Variants in PRDM11 observed in about 807,000 individuals in gnomAD.
PRDM11 encodes PR domain-containing protein 11.
A neutral mutation model predicts 97.8 loss-of-function variants in PRDM11; 20 were observed. That is an observed-to-expected ratio of 0.20 (90% CI 0.14 to 0.30). PRDM11 has a LOEUF of 0.30. Among genes scored for constraint, PRDM11 ranks in the 10% least tolerant of loss-of-function variants. The pLI is 1.00. For missense variants in PRDM11, 1,139 were observed against 1,555.2 expected, an observed-to-expected ratio of 0.73 and a Z score of 4.50; for synonymous variants, 599 against 637.7, an observed-to-expected ratio of 0.94 and a Z score of 0.91.
chr11:45,121,612 C>T (rs1852432376), intron 1 of PRDM11, among the ~76,000 whole-genome samples: 1 of 152,044 alleles, frequency 6.6e-6, no homozygotes, highest in African/African-American at 2.4e-5. Context: ...AATGTATATA[C>T]AACATTATAT....
At chr11:45,116,131 A>G (rs1272748421) in intron 1 of PRDM11, among the ~76,000 whole-genome samples, 1 of 152,190 alleles carries the variant, frequency 6.6e-6, no homozygotes, top group Non-Finnish European at 1.5e-5. Flanking sequence ...CACCTTCAAT[A>G]TACATAAAAA....
At chr11:45,147,739 A>G (rs1342337199) in intron 1 of PRDM11, among the ~76,000 whole-genome samples, 3 of 152,170 alleles carry the variant, frequency 2.0e-5, no homozygotes, top group Non-Finnish European at 2.9e-5. Flanking sequence ...CAGTTGGGAG[A>G]TGGGGGCTTA....
At chr11:45,213,372 A>G (rs1433298717) in intron 5 of PRDM11, 1 of 449,274 alleles carries the variant, frequency 2.2e-6, no homozygotes, top group Non-Finnish European at 4.5e-6. Context: ...GAGCATCCGA[A>G]TGGAGTCCCA....
At chr11:45,137,801 C>G (rs950587905) in intron 1 of PRDM11, among the ~76,000 whole-genome samples, 1 of 152,180 alleles carries the variant, frequency 6.6e-6, no homozygotes, top group East Asian at 1.9e-4. Context: ...GCTGTTTGAG[C>G]CCTCCAGTTC....
chr11:45,234,451 T>C lies in PRDM11; in HGVS notation c.*6292T>C, dbSNP rs890338184. 1 of 152,590 alleles carries C rather than the reference T, an allele frequency of 6.6e-6. No individual in the cohort carries two copies. The highest frequency in any genetic ancestry group is 1.9e-4 in the East Asian group (1 of 5,188). 9.5% of individuals were successfully genotyped at this position (152,590 alleles called of 1,614,324 possible). A position where few individuals can be genotyped will look rare whatever the true frequency, so the allele number is the denominator to read the frequency against. ...GCCCAGGGCGGGTCTGTTCTGCCAA[T>C]GCCCACCTCCTTGAGCCACAGTTAG... is the stretch of plus-strand genomic sequence containing the variant. On this transcript the variant is annotated 3_prime_UTR_variant, in exon 8 of 8. Coordinates refer to ENST00000683152, the MANE Select transcript of PRDM11 (RefSeq NM_001384648.1).
chr11:45,181,315 G>A (rs1343656298), intron 1 of PRDM11, among the ~76,000 whole-genome samples: 2 of 152,172 alleles, frequency 1.3e-5, no homozygotes, highest in Admixed American at 1.3e-4. Flanking sequence ...CCCAGGGTGA[G>A]GGGCTGCCCT....
At chr11:45,187,134 AG>A (rs1852732338) in intron 4 of PRDM11, among the ~76,000 whole-genome samples, 1 of 152,110 alleles carries the variant, frequency 6.6e-6, no homozygotes, top group South Asian at 2.1e-4. Flanking sequence ...GGTGGATAGG[AG>A]GGGAGGAAGC....
At chr11:45,169,895 GTGCCTATCTTGCACCAGGCAC>G (rs1439838550) in intron 1 of PRDM11, among the ~76,000 whole-genome samples, 1 of 152,190 alleles carries the variant, frequency 6.6e-6, no homozygotes, top group Non-Finnish European at 1.5e-5. Flanking sequence ...TGTTTATCAT[GTGCCTATCTTGCACCAGGCAC>G]TGCTCTAGTT....
Position 45,182,849 on chromosome 11 carries a change from C to T in PRDM11, c.224-12C>T, listed in dbSNP as rs746715316. On this transcript the variant is annotated splice_polypyrimidine_tract_variant and intron_variant, in intron 3 of 7. Transcript: ENST00000683152. ...ACAACTGAGGCCCTCCCTTCTCTTTCCATCCCTCCAGTCTGTGAGTCCTGC... is the reference window on the plus strand; with the variant it reads ...ACAACTGAGGCCCTCCCTTCTCTTTTCATCCCTCCAGTCTGTGAGTCCTGC... The T allele has an allele frequency of 6.4e-7, 1 of 1,561,540 alleles. No homozygotes were observed. Among genetic ancestry groups the T allele is most frequent in the South Asian group, 1.2e-5 (1 of 82,550 alleles).
At chr11:45,225,752 C>A (rs1487062485) in intron 7 of PRDM11, among the ~76,000 whole-genome samples, 1 of 152,184 alleles carries the variant, frequency 6.6e-6, no homozygotes, top group African/African-American at 2.4e-5. Flanking sequence ...CAAGGGCAGG[C>A]AGCCTGAAAT....
At position 45,231,896 on chromosome 11, in the gene PRDM11, G is replaced by A. The variant is rs1854405186; in HGVS notation, c.*3737G>A. 2 of 151,932 alleles carry A rather than the reference G, an allele frequency of 1.3e-5. No individual in the cohort carries two copies. The highest frequency in any genetic ancestry group is 2.9e-5 in the Non-Finnish European group (2 of 68,000). 9.4% of individuals were successfully genotyped at this position (151,932 alleles called of 1,614,324 possible). ...TGGCCTATGACACCTTGTGATGCTAGGCACATCCTCATTTCCCCATCCTCA... is the reference window on the plus strand; with the variant it reads ...TGGCCTATGACACCTTGTGATGCTAAGCACATCCTCATTTCCCCATCCTCA... On this transcript the variant is annotated 3_prime_UTR_variant, in exon 8 of 8. Transcript: ENST00000683152.
chr11:45,126,259 C>G (rs1413467068), intron 1 of PRDM11, among the ~76,000 whole-genome samples: 1 of 152,022 alleles, frequency 6.6e-6, no homozygotes, highest in African/African-American at 2.4e-5. Context: ...TTCCTGAATA[C>G]AGCACTCTGA....
Position 45,229,521 on chromosome 11 carries a change from A to G in PRDM11, c.*1362A>G, listed in dbSNP as rs199697235. 6 of 151,826 alleles carry G rather than the reference A, an allele frequency of 4.0e-5. 1 individual carries two copies. The East Asian group carries it at 9.7e-4, about 25-fold the overall frequency. 9.4% of individuals were successfully genotyped at this position (151,826 alleles called of 1,614,324 possible). On this transcript the variant is annotated 3_prime_UTR_variant, in exon 8 of 8. Coordinates refer to ENST00000683152, the MANE Select transcript of PRDM11 (RefSeq NM_001384648.1). ...ACACAGACACACACACACACACACA[A>G]TCACAATATACAATATAAGCTTTAG...
chr11:45,165,903 C>T (rs1473514369), intron 1 of PRDM11, among the ~76,000 whole-genome samples: 3 of 152,260 alleles, frequency 2.0e-5, no homozygotes, highest in African/African-American at 4.8e-5. Flanking sequence ...CCTGTCTCCC[C>T]GCCATGCTAC....
At chr11:45,205,406 T>C (rs931618090) in intron 5 of PRDM11, among the ~76,000 whole-genome samples, 8 of 152,216 alleles carry the variant, frequency 5.3e-5, no homozygotes, top group Middle Eastern at 3.4e-3. Context: ...TCCAGCGTGA[T>C]GCTGATGGTC....
rs1851520793 is a variant in PRDM11 at position 45,146,822 on chromosome 11, CCGCCGGGCCGCTCTCGCCGCCCGGG to C, written c.-60_-36del. On this transcript the variant is annotated 5_prime_UTR_variant, in exon 1 of 8. Transcript: ENST00000683152. ...GGCCGCGCCGCCTCCGCCGAGCCGC[CCGCCGGGCCGCTCTCGCCGCCCGGG>C]CCCCGCGGCTGCCGCAGCATTCCCG... 6.8e-6 allele frequency: 1 copy of C among 146,598 alleles called. No individual in the cohort carries two copies. Among genetic ancestry groups the C allele is most frequent in the South Asian group, 2.0e-4 (1 of 5,112 alleles). The allele number at this position is 146,598 out of a possible 1,614,324, so 9.1% of individuals were successfully genotyped here.
rs986620394 is a variant in PRDM11 at position 45,219,381 on chromosome 11, C to T, written c.555-189C>T. Reference sequence around the variant, plus strand: ...TGCTTGAGGTCCCACAACACGGTGACGTTGGGACAGGGATGGGTTCTGGCT... The same window carrying T: ...TGCTTGAGGTCCCACAACACGGTGATGTTGGGACAGGGATGGGTTCTGGCT... On this transcript the variant is annotated intron_variant, in intron 5 of 7. Coordinates refer to ENST00000683152, the MANE Select transcript of PRDM11 (RefSeq NM_001384648.1). The surrounding 1 kb of genome is among the most constrained non-coding windows in gnomAD (Gnocchi z 4.2). Among the ~76,000 whole-genome samples the T allele has an allele frequency of 2.0e-5, 3 of 152,148 alleles. No homozygotes were observed. Among genetic ancestry groups the T allele is most frequent in the African/African-American group, 7.2e-5 (3 of 41,438 alleles).
chr11:45,185,871 G>A (rs1405851615), intron 4 of PRDM11, among the ~76,000 whole-genome samples: 1 of 151,968 alleles, frequency 6.6e-6, no homozygotes, highest in Non-Finnish European at 1.5e-5. Flanking sequence ...GATGATCTTG[G>A]ATTACCTGGG....
chr11:45,179,386 A>T (rs2135730106), intron 1 of PRDM11, among the ~76,000 whole-genome samples: 1 of 152,342 alleles, frequency 6.6e-6, no homozygotes, highest in African/African-American at 2.4e-5. Context: ...TCTGTGATAG[A>T]ATCTATTATT....
Sources: gnomAD v4.1 joint callset for allele counts (sites outside exome capture counted in the v4.1 genomes callset) on GRCh38, gnomAD v4.1.1 for gene constraint, Gnocchi (gnomAD v3.1) non-coding constraint, MANE v1.5 for transcripts, NCBI Gene and HGNC (gene_info 2026-07-23, HGNC 2026-07-21) for gene names.